The following RIMS2 variants were observed in gnomAD, a reference collection of about 807,000 sequenced individuals.
RIMS2 encodes regulating synaptic membrane exocytosis 2, also known as regulating synaptic membrane exocytosis protein 2.
A neutral mutation model predicts 174.4 loss-of-function variants in RIMS2; 59 were observed. The observed-to-expected ratio is 0.34, with a 90% CI of 0.27 to 0.42. The LOEUF is 0.42. Among genes scored for constraint, RIMS2 ranks in the 10% least tolerant of loss-of-function variants. The pLI, the probability that RIMS2 is intolerant of heterozygous loss-of-function variation, is 1.00. For missense variants in RIMS2, 1,620 were observed against 1,666.3 expected (o/e 0.97, Z 0.48); for synonymous variants, 606 against 572.5 (o/e 1.06, Z -0.84).
chr8:103,802,253 T>C (rs544209881), intron 3 of RIMS2, among the ~76,000 whole-genome samples: 1 of 152,304 alleles, frequency 6.6e-6, no homozygotes, highest in Admixed American at 6.5e-5. Context: ...ATTTAATAAA[T>C]TGTAAGGCGT....
chr8:104,092,581 C>T (rs1187915109), intron 19 of RIMS2, among the ~76,000 whole-genome samples: 4 of 151,224 alleles, frequency 2.6e-5, no homozygotes, highest in African/African-American at 7.3e-5. Context: ...CTAGGCCTTG[C>T]AAAAAAAGAT....
At chr8:103,652,277 G>A in intron 1 of RIMS2, 40 bp downstream of exon 2, 1 of 1,247,814 alleles carries the variant, frequency 8.0e-7, no homozygotes, top group Non-Finnish European at 1.1e-6. Context: ...CTTGACTTCT[G>A]TACTTTTGCC....
chr8:103,935,813 GT>G (rs1190769909), intron 12 of RIMS2, among the ~76,000 whole-genome samples: 1 of 152,002 alleles, frequency 6.6e-6, no homozygotes, highest in Non-Finnish European at 1.5e-5. Flanking sequence ...ATTATTTTTG[GT>G]TTCTGTTTTA....
At chr8:103,745,315 A>G (rs2097798253) in intron 2 of RIMS2, among the ~76,000 whole-genome samples, 1 of 151,968 alleles carries the variant, frequency 6.6e-6, no homozygotes, top group South Asian at 2.1e-4. Flanking sequence ...GTTTCTTTTT[A>G]TGGCTGAATT....
intron 19 of RIMS2, among the ~76,000 whole-genome samples, chr8:104,186,678 A>G (rs879725070): frequency 9.2e-5 from 14 of 151,730 alleles, no homozygotes; most frequent in Non-Finnish European, 1.8e-4. Context: ...GCCTTCCGCT[A>G]ATTAAATCCT....
At chr8:103,976,548 CTTTTTTTTTTT>C (rs768820871) in intron 16 of RIMS2, 1 of 124,568 alleles carries the variant, frequency 8.0e-6, no homozygotes, top group African/African-American at 3.2e-5. Context: ...TTTTCTTTTT[CTTTTTTTTTTT>C]TTTTTTTGAG....
chr8:103,927,850 C>T (rs2079074546), exon 11 of RIMS2: 2 of 1,607,354 alleles, frequency 1.2e-6, no homozygotes, highest in Middle Eastern at 1.7e-4. Flanking sequence ...AGAGCCAAAG[C>T]CTTAGTAGAA....
At chr8:103,975,643 A>G in intron 16 of RIMS2, 137 bp downstream of exon 18, 1 of 581,306 alleles carries the variant, frequency 1.7e-6, no homozygotes, top group Non-Finnish European at 2.9e-6. Context: ...TATAAGACAA[A>G]GTCCCACCAT....
At chr8:104,161,212 G>A (rs938671434) in intron 19 of RIMS2, among the ~76,000 whole-genome samples, 1 of 152,050 alleles carries the variant, frequency 6.6e-6, no homozygotes, top group Non-Finnish European at 1.5e-5. Flanking sequence ...ATGTAATAGT[G>A]GAAATGATTC....
At chr8:103,722,946 A>T (rs1393900350) in intron 2 of RIMS2, among the ~76,000 whole-genome samples, 1 of 152,148 alleles carries the variant, frequency 6.6e-6, no homozygotes, top group African/African-American at 2.4e-5. Context: ...CCCTGTCTCT[A>T]CTAAAAAATG....
intron 19 of RIMS2, among the ~76,000 whole-genome samples, chr8:104,069,761 G>A (rs1173298694): frequency 8.6e-5 from 13 of 151,918 alleles, no homozygotes; most frequent in South Asian, 2.1e-4. Context: ...CACTGCGCCC[G>A]GCCTATTTCA....
intron 2 of RIMS2, among the ~76,000 whole-genome samples, chr8:103,707,151 T>A (rs990978984): frequency 6.6e-6 from 1 of 152,210 alleles, no homozygotes; most frequent in African/African-American, 2.4e-5. Context: ...CCTTTTTTTC[T>A]GATAAATATC....
At chr8:103,633,641 AC>A (rs2096002049) in intron 1 of RIMS2, among the ~76,000 whole-genome samples, 1 of 152,060 alleles carries the variant, frequency 6.6e-6, no homozygotes, top group African/African-American at 2.4e-5. Flanking sequence ...GTAGAATTTC[AC>A]TGTGAATCCA....
At chr8:103,973,111 G>A (rs1296253036) in intron 15 of RIMS2, among the ~76,000 whole-genome samples, 3 of 152,214 alleles carry the variant, frequency 2.0e-5, no homozygotes, top group South Asian at 2.1e-4. Flanking sequence ...CCTTCAATAT[G>A]AATTGTATAC....
chr8:103,649,151 A>G, intron 1 of RIMS2, among the ~76,000 whole-genome samples: 1 of 152,012 alleles, frequency 6.6e-6, no homozygotes, highest in Non-Finnish European at 1.5e-5. Context: ...GAAATTCCCT[A>G]AGCATTTGAT....
At chr8:103,920,590 A>G in intron 9 of RIMS2, 1 of 453,456 alleles carries the variant, frequency 2.2e-6, no homozygotes, top group Admixed American at 2.4e-5. Flanking sequence ...ATTTGGTCCC[A>G]TCTGTACTTC....
intron 2 of RIMS2, among the ~76,000 whole-genome samples, chr8:103,710,301 G>C (rs1378646167): frequency 6.6e-6 from 1 of 151,940 alleles, no homozygotes; most frequent in Non-Finnish European, 1.5e-5. Context: ...ATAATCTTTT[G>C]TTTTAATTTT....
chr8:104,068,696 A>T, intron 19 of RIMS2, 84 bp downstream of exon 23: 1 of 721,634 alleles, frequency 1.4e-6, no homozygotes, highest in Non-Finnish European at 2.4e-6. Flanking sequence ...AATGCAGATT[A>T]GTCAGACACA....
intron 3 of RIMS2, among the ~76,000 whole-genome samples, chr8:103,832,514 T>C (rs1261628332): frequency 2.0e-5 from 3 of 152,168 alleles, no homozygotes; most frequent in Non-Finnish European, 4.4e-5. Flanking sequence ...AGTTATTTTT[T>C]CTGATCCTCT....
Sources: gnomAD v4.1 joint callset for allele counts (sites outside exome capture counted in the v4.1 genomes callset) on GRCh38, gnomAD v4.1.1 for gene constraint, MANE v1.5 for transcripts, NCBI Gene and HGNC (gene_info 2026-07-23, HGNC 2026-07-21) for gene names.